Variants in GK observed in about 807,000 individuals in gnomAD.
GK encodes ATP:glycerol 3-phosphotransferase.
GK carries 9 observed loss-of-function variants against 56.4 expected under a neutral mutation model. The observed-to-expected ratio is 0.16, with a 90% CI of 0.10 to 0.28. GK has a LOEUF of 0.28. Ranked by LOEUF, GK falls within the 10% of genes least tolerant of loss-of-function variation. GK has a pLI of 1.00. For missense variants in GK, 161 were observed against 431.4 expected, an observed-to-expected ratio of 0.37 and a Z score of 5.55; for synonymous variants, 104 against 144.1, an observed-to-expected ratio of 0.72 and a Z score of 1.99.
At chrX:30,708,160 T>A in intron 13 of GK, 26 bp downstream of exon 13, 1 of 755,301 alleles carries the variant, frequency 1.3e-6, no homozygotes. Flanking sequence ...TCAATATGGA[T>A]AATATGACAA....
At chrX:30,721,216 C>A (rs375654148) in intron 18 of GK, 7 of 439,988 alleles carry the variant, frequency 1.6e-5, no homozygotes, top group African/African-American at 1.2e-4. Context: ...TTTTAAAAAT[C>A]ATTTGCTTTT....
At chrX:30,672,194 A>G (rs1040785944) in intron 3 of GK, 7 of 105,651 alleles carry the variant, frequency 6.6e-5, no homozygotes, top group African/African-American at 2.4e-4. Flanking sequence ...AGAGTTACAT[A>G]TTCATTCATG....
intron 1 of GK, among the ~76,000 whole-genome samples, chrX:30,654,998 G>A (rs1932152076): frequency 8.9e-6 from 1 of 111,870 alleles, no homozygotes; most frequent in African/African-American, 3.2e-5. Context: ...AGTTCTGTCA[G>A]AGCTGGCACT....
At chrX:30,707,458 A>AC (rs1936078649) in intron 11 of GK, 98 bp from the exon 12 acceptor site, 2 of 567,019 alleles carry the variant, frequency 3.5e-6, no homozygotes, top group Non-Finnish European at 6.1e-6. Context: ...ACTTTTTTGG[A>AC]CTAAATTATA....
intron 13 of GK, among the ~76,000 whole-genome samples, chrX:30,711,239 T>C (rs1378494607): frequency 9.1e-6 from 1 of 110,064 alleles, no homozygotes; most frequent in East Asian, 2.8e-4. Context: ...TGAGGATGAG[T>C]ATAAAAGCCT....
At chrX:30,700,198 G>A (rs994637953) in intron 9 of GK, 78 of 385,526 alleles carry the variant, frequency 2.0e-4, no homozygotes, top group Admixed American at 3.5e-4. Context: ...CCAGTCTAAC[G>A]TTTTATGTTC....
intron 13 of GK, among the ~76,000 whole-genome samples, chrX:30,711,332 G>T (rs1936315877): frequency 9.0e-6 from 1 of 111,195 alleles, no homozygotes; most frequent in Non-Finnish European, 1.9e-5. Flanking sequence ...TGGTTCATTT[G>T]TAGATAATCT....
intron 5 of GK, among the ~76,000 whole-genome samples, chrX:30,691,407 T>G (rs1480610354): frequency 9.1e-6 from 1 of 109,834 alleles, no homozygotes; most frequent in Non-Finnish European, 1.9e-5. Context: ...AACACAAAAT[T>G]GACAGGCTGG....
intron 3 of GK, among the ~76,000 whole-genome samples, chrX:30,670,052 A>G (rs1933374705): frequency 8.9e-6 from 1 of 112,310 alleles, no homozygotes; most frequent in South Asian, 3.7e-4. Context: ...AAGGGCTTCA[A>G]ACTTCTCTTA....
At chrX:30,721,384 C>G (rs1234643752) in intron 18 of GK, among the ~76,000 whole-genome samples, 1 of 108,762 alleles carries the variant, frequency 9.2e-6, no homozygotes, top group Non-Finnish European at 1.9e-5. Context: ...CTCCGCCTCC[C>G]GGGTTCATGC....
At position 30,720,601 on chromosome X, in the gene GK, A is replaced by C; in HGVS notation, c.1237-20A>C. On this transcript the variant is annotated intron_variant, in intron 16 of 20. Transcript: ENST00000427190. ...ACTATGAAATAGATTTATAACATTA[A>C]TTGCACTGGTTTATTTAAGATTTTG... is the stretch of plus-strand genomic sequence containing the variant. 5.1e-6 allele frequency: 6 copies of C among 1,187,723 alleles called. No homozygotes were observed. The highest frequency in any genetic ancestry group is 5.7e-6 in the Non-Finnish European group (5 of 874,456).
At chrX:30,700,508 T>A (rs1468498127) in intron 10 of GK, 59 bp downstream of exon 10, 6 of 927,816 alleles carry the variant, frequency 6.5e-6, no homozygotes, top group Non-Finnish European at 9.3e-6. Flanking sequence ...ATGGCTTTCC[T>A]CCTCTTAGTT....
intron 2 of GK, among the ~76,000 whole-genome samples, chrX:30,667,199 A>G (rs1306568087): frequency 8.9e-6 from 1 of 111,918 alleles, no homozygotes; most frequent in African/African-American, 3.2e-5. Context: ...AGTTAGAGAC[A>G]GAATTCAAAG....
chrX:30,728,745 C>G lies in GK; in HGVS notation c.*3C>G. 1 of 1,157,231 alleles carries G rather than the reference C, an allele frequency of 8.6e-7. No individual in the cohort carries two copies. Among genetic ancestry groups the G allele is most frequent in the Non-Finnish European group, 1.2e-6 (1 of 846,912 alleles). The stretch of plus-strand genomic sequence containing the variant: ...TCCCCATTTCAGGTATTCCATAAAA[C>G]CTACCAACTCATGGATTCCCAAGAT... On this transcript the variant is annotated 3_prime_UTR_variant, in exon 21 of 21. Transcript: ENST00000427190.
chrX:30,703,128 A>G (rs1935778132), intron 11 of GK, among the ~76,000 whole-genome samples: 1 of 112,181 alleles, frequency 8.9e-6, no homozygotes, highest in Admixed American at 9.5e-5. Context: ...AATGAGCAGT[A>G]TTGGAGGGTA....
At chrX:30,682,321 A>G (rs184829135) in intron 4 of GK, among the ~76,000 whole-genome samples, 31 of 112,086 alleles carry the variant, frequency 2.8e-4, no homozygotes, top group Non-Finnish European at 5.5e-4. Context: ...AATTAATTCA[A>G]TGAAAGAATA....
chrX:30,719,985 C>T (rs772424976), intron 15 of GK, 26 bp from the exon 16 acceptor site: 1 of 984,864 alleles, frequency 1.0e-6, no homozygotes, highest in South Asian at 1.9e-5. Flanking sequence ...TCATTCTAAT[C>T]TGAAAATCTT....
rs397728920 is a variant in GK, at chrX:30,728,337, T to TA, written c.1670-385dup. On this transcript the variant is annotated intron_variant, in intron 20 of 20. Transcript: ENST00000427190. ...TGTATGTTCCCATGAAAGTGAAACT[T>TA]AAAAAAAAAATTCATGATTAGGGTT... 3.7e-5 allele frequency among the ~76,000 whole-genome samples: 4 copies of TA among 107,484 alleles called. No individual in the cohort carries two copies. In the South Asian group the frequency reaches 1.2e-3, roughly 32 times the overall value. 93.3% of individuals were successfully genotyped at this position (107,484 alleles called of 115,157 possible).
chrX:30,693,708 C>T (rs1935100780), intron 5 of GK, among the ~76,000 whole-genome samples: 1 of 110,081 alleles, frequency 9.1e-6, no homozygotes, highest in South Asian at 3.9e-4. Flanking sequence ...GCTACTATGC[C>T]CAGCTAATTT....
Sources: allele counts gnomAD v4.1 joint callset (sites outside exome capture counted in the v4.1 genomes callset), GRCh38; gene constraint gnomAD v4.1.1; transcripts MANE v1.5; gene names NCBI Gene and HGNC (gene_info 2026-07-23, HGNC 2026-07-21).